The following ROBO2 variants were observed in gnomAD, a reference collection of about 807,000 sequenced individuals.
ROBO2 encodes the protein roundabout homolog 2.
Under a neutral mutation model 160.8 loss-of-function variants are expected in ROBO2, and 53 were observed. The observed-to-expected ratio is 0.33, with a 90% CI of 0.26 to 0.41. The LOEUF (loss-of-function observed/expected upper bound fraction) is 0.41, where lower values mean the gene tolerates loss of function less well. ROBO2 is among the 10% of genes least tolerant of loss of function. ROBO2 has a pLI of 1.00. For missense variants in ROBO2, 1,577 were observed against 1,722.4 expected (o/e 0.92, Z 1.49); for synonymous variants, 664 against 611.7 (o/e 1.09, Z -1.26).
intron 2 of ROBO2, among the ~76,000 whole-genome samples, chr3:76,407,902 C>A (rs934626618): frequency 2.0e-5 from 3 of 151,406 alleles, no homozygotes; most frequent in Non-Finnish European, 4.4e-5. Flanking sequence ...ATGTTGTAAC[C>A]TTTCTTAAAA....
At chr3:77,285,306 C>A (rs1043372374) in intron 2 of ROBO2, among the ~76,000 whole-genome samples, 1 of 151,582 alleles carries the variant, frequency 6.6e-6, no homozygotes, top group Non-Finnish European at 1.5e-5. Context: ...ACAAGAAGAA[C>A]GAAATATTAA....
intron 2 of ROBO2, among the ~76,000 whole-genome samples, chr3:76,555,488 A>AAC (rs2083733966): frequency 6.6e-6 from 1 of 152,092 alleles, no homozygotes; most frequent in Non-Finnish European, 1.5e-5. Flanking sequence ...GATCCCTCTC[A>AAC]TCTTGAGTTG....
At chr3:76,813,074 C>G (rs1232532603) in intron 2 of ROBO2, among the ~76,000 whole-genome samples, 2 of 151,928 alleles carry the variant, frequency 1.3e-5, no homozygotes, top group African/African-American at 4.8e-5. Flanking sequence ...AATATTAAAA[C>G]AATTTCTATC....
rs1015354169 is a variant in ROBO2, at chr3:76,728,911, T to C, written c.110-369103T>C. On this transcript the variant is annotated intron_variant, in intron 2 of 26. Transcript: ENST00000487694. The stretch of plus-strand genomic sequence containing the variant: ...TAGTAAAAGTATTGACCATAAGTTG[T>C]TTTTTTTTTATTCATTTATTCTTTT... Among the ~76,000 whole-genome samples the C allele has an allele frequency of 1.4e-3, 5 of 3,648 alleles. No individual in the cohort carries two copies. The African/African-American group carries it at 0.018, about 13-fold the overall frequency. 2.4% of individuals were successfully genotyped at this position (3,648 alleles called of 152,430 possible). A position where few individuals can be genotyped will look rare whatever the true frequency, so the allele number is the denominator to read the frequency against.
At chr3:77,118,264 A>T (rs981338920) in intron 2 of ROBO2, among the ~76,000 whole-genome samples, 1 of 152,178 alleles carries the variant, frequency 6.6e-6, no homozygotes, top group African/African-American at 2.4e-5. Context: ...GATGAATTCT[A>T]GTCACAGAAT....
intron 2 of ROBO2, among the ~76,000 whole-genome samples, chr3:76,137,696 G>T (rs2071482340): frequency 6.6e-6 from 1 of 151,642 alleles, no homozygotes; most frequent in Non-Finnish European, 1.5e-5. Context: ...ATATAGGACA[G>T]AATCTTTATT....
chr3:76,034,563 G>A (rs79567687), intron 2 of ROBO2, among the ~76,000 whole-genome samples: 19 of 152,322 alleles, frequency 1.2e-4, no homozygotes, highest in African/African-American at 4.6e-4. Context: ...ACCCACATTA[G>A]TTCTGTGTGT....
intron 2 of ROBO2, among the ~76,000 whole-genome samples, chr3:77,007,735 G>A (rs1389360742): frequency 6.6e-6 from 1 of 151,986 alleles, no homozygotes; most frequent in African/African-American, 2.4e-5. Flanking sequence ...GAATCCTGAA[G>A]TATCTCTGTA....
At chr3:76,765,323 T>A (rs72894212) in intron 2 of ROBO2, among the ~76,000 whole-genome samples, 120 of 151,774 alleles carry the variant, frequency 7.9e-4, no homozygotes, top group African/African-American at 2.7e-3. Context: ...GAAAAACTTT[T>A]CATTAAGTTT....
At chr3:76,210,837 G>A (rs1468174847) in intron 2 of ROBO2, among the ~76,000 whole-genome samples, 1 of 151,974 alleles carries the variant, frequency 6.6e-6, no homozygotes, top group Non-Finnish European at 1.5e-5. Flanking sequence ...GACATTCAGG[G>A]TTAGCCCTAG....
chr3:76,125,777 G>A (rs2070954021), intron 2 of ROBO2, among the ~76,000 whole-genome samples: 2 of 151,732 alleles, frequency 1.3e-5, no homozygotes, highest in African/African-American at 2.4e-5. Flanking sequence ...TAAACTAAAT[G>A]GTTTATCACA....
At chr3:76,123,170 A>G (rs2070823419) in intron 2 of ROBO2, among the ~76,000 whole-genome samples, 2 of 152,144 alleles carry the variant, frequency 1.3e-5, no homozygotes, top group Admixed American at 6.6e-5. Context: ...TGAAGCAAAT[A>G]CTCTTTTTAA....
At chr3:76,035,490 G>T (rs541437971) in intron 2 of ROBO2, among the ~76,000 whole-genome samples, 3 of 151,908 alleles carry the variant, frequency 2.0e-5, no homozygotes, top group African/African-American at 4.8e-5. Flanking sequence ...CTGAGGATGC[G>T]CTAGGCTAGA....
chr3:76,270,606 A>G (rs1290774442), intron 2 of ROBO2, among the ~76,000 whole-genome samples: 5 of 152,074 alleles, frequency 3.3e-5, no homozygotes, highest in Non-Finnish European at 7.4e-5. Context: ...TTGATTCAAC[A>G]TTTTATTTTA....
At chr3:77,451,306 A>T in intron 2 of ROBO2, among the ~76,000 whole-genome samples, 1 of 152,160 alleles carries the variant, frequency 6.6e-6, no homozygotes, top group Admixed American at 6.6e-5. Flanking sequence ...CCACATTTTT[A>T]ATTTATTTAT....
Position 77,277,212 on chromosome 3 carries a change from CTTCT to C in ROBO2, c.388+178886_388+178889del, listed in dbSNP as rs1553883029. On this transcript the variant is annotated intron_variant, in intron 2 of 25. Transcript: ENST00000461745. ...TCTTTCTTTCTTTCTTTCTTTCTTT[CTTCT>C]TTCTTTCTTTCTTGTCTTTCTTTCT... 5.2e-3 allele frequency among the ~76,000 whole-genome samples: 419 copies of C among 80,004 alleles called. 2 individuals carry two copies. Among genetic ancestry groups the C allele is most frequent in the African/African-American group, 0.019 (382 of 20,154 alleles). 52.5% of individuals were successfully genotyped at this position (80,004 alleles called of 152,430 possible).
Position 77,621,309 on chromosome 3 carries a change from C to A in ROBO2, c.3555-918C>A, listed in dbSNP as rs150293089. 1.2e-3 allele frequency among the ~76,000 whole-genome samples: 181 copies of A among 152,128 alleles called. 2 individuals are homozygous for A. The highest frequency in any genetic ancestry group is 4.0e-3 in the African/African-American group (168 of 41,496). On this transcript the variant is annotated intron_variant, in intron 22 of 25. Transcript: ENST00000461745. ...GGCATGGTGAAGCACACCTGTAATG[C>A]CAGCTACTTGGGAGACCAAGGCAGG... is the stretch of plus-strand genomic sequence containing the variant.
At chr3:76,402,806 T>C (rs1464833364) in intron 2 of ROBO2, among the ~76,000 whole-genome samples, 5 of 151,652 alleles carry the variant, frequency 3.3e-5, no homozygotes, top group Non-Finnish European at 7.4e-5. Flanking sequence ...GCAGTTGTTT[T>C]CCATTTCATT....
chr3:76,246,458 A>T (rs1705627251), intron 2 of ROBO2, among the ~76,000 whole-genome samples: 1 of 152,204 alleles, frequency 6.6e-6, no homozygotes, highest in African/African-American at 2.4e-5. Flanking sequence ...TTAGTTACTC[A>T]GCATTTTCTG....
Sources: allele counts gnomAD v4.1 joint callset (sites outside exome capture counted in the v4.1 genomes callset), GRCh38; gene constraint gnomAD v4.1.1; transcripts MANE v1.5; gene names NCBI Gene and HGNC (gene_info 2026-07-23, HGNC 2026-07-21).